The following RNF8 variants were observed in gnomAD, a reference collection of about 807,000 sequenced individuals.
RNF8 encodes the protein E3 ubiquitin-protein ligase RNF8.
A neutral mutation model predicts 59.3 loss-of-function variants in RNF8; 8 were observed. The observed-to-expected ratio is 0.13, with a 90% CI of 0.08 to 0.24. The LOEUF (loss-of-function observed/expected upper bound fraction) is 0.24, where lower values mean the gene tolerates loss of function less well. Ranked by LOEUF, RNF8 falls within the 10% of genes least tolerant of loss-of-function variation. The pLI, the probability that RNF8 is intolerant of heterozygous loss-of-function variation, is 1.00. For synonymous variants in RNF8, 162 were observed against 200.0 expected (o/e 0.81, Z 1.60); for missense variants, 406 against 572.6 (o/e 0.71, Z 2.97).
intron 7 of RNF8, among the ~76,000 whole-genome samples, chr6:37,382,852 C>T (rs1274312031): frequency 1.3e-5 from 2 of 152,022 alleles, no homozygotes; most frequent in African/African-American, 4.8e-5. Context: ...GTGGCGCACA[C>T]CAGTAGTCGC....
In RNF8 at chr6:37,392,807, AAG is replaced by A. The variant is rs1484603497; in HGVS notation, c.*2051_*2052del. 3 of 397,018 alleles carry A rather than the reference AAG, an allele frequency of 7.6e-6. No homozygotes were observed. Among genetic ancestry groups the A allele is most frequent in the Admixed American group, 8.8e-5 (2 of 22,700 alleles). 24.6% of individuals were successfully genotyped at this position (397,018 alleles called of 1,614,324 possible). ...ATCTTTAGAGAGAAGATATTTTAAA[AAG>A]AAATACCTTTTTAAAAATTATTTTA... On this transcript the variant is annotated 3_prime_UTR_variant, in exon 8 of 8. Coordinates refer to ENST00000373479, the MANE Select transcript of RNF8 (RefSeq NM_003958.4).
rs933950282 is a variant in RNF8, at chr6:37,370,521, C to T, written c.976-991C>T. ...TTTTTCTGTACCAAAATGTTAAAGG[C>T]GAAAGGATTGGTTTAGAGAATTTCT... On this transcript the variant is annotated intron_variant, in intron 3 of 7. Coordinates refer to ENST00000373479, the MANE Select transcript of RNF8 (RefSeq NM_003958.4). Among the ~76,000 whole-genome samples, 6 of 152,056 alleles carry T rather than the reference C, an allele frequency of 3.9e-5. No homozygotes were observed. In the South Asian group the frequency reaches 6.2e-4, roughly 16 times the overall value.
At chr6:37,384,131 A>ATTTT (rs70977654) in intron 7 of RNF8, among the ~76,000 whole-genome samples, 15 of 124,030 alleles carry the variant, frequency 1.2e-4, no homozygotes, top group African/African-American at 3.0e-4. Context: ...CCTTGCTACT[A>ATTTT]TTTTTTTTTT....
chr6:37,390,798 T>C lies in RNF8; in HGVS notation c.*40T>C. 1.9e-6 allele frequency: 3 copies of C among 1,612,906 alleles called. No individual in the cohort carries two copies. The highest frequency in any genetic ancestry group is 1.7e-6 in the Non-Finnish European group (2 of 1,179,080). On this transcript the variant is annotated 3_prime_UTR_variant, in exon 8 of 8. Coordinates refer to ENST00000373479, the MANE Select transcript of RNF8 (RefSeq NM_003958.4). Reference sequence around the variant, plus strand: ...GGGCATTTGAAAGACTGCCAGGTAGTGCGAGCCTGAGATGGTCTGGAGGAT... The same window carrying C: ...GGGCATTTGAAAGACTGCCAGGTAGCGCGAGCCTGAGATGGTCTGGAGGAT...
At position 37,390,902 on chromosome 6, in the gene RNF8, C is replaced by T. The variant is rs557883308; in HGVS notation, c.*144C>T. ...ACAGAGACTTGAGTTAGGAAGCCCT[C>T]AGTCACTTGCCTTCCACGGTGGCCA... On this transcript the variant is annotated 3_prime_UTR_variant, in exon 8 of 8. Coordinates refer to ENST00000373479, the MANE Select transcript of RNF8 (RefSeq NM_003958.4). The T allele has an allele frequency of 7.1e-7, 1 of 1,409,538 alleles. No homozygotes were observed. The highest frequency in any genetic ancestry group is 1.2e-5 in the South Asian group (1 of 86,554). 87.3% of individuals were successfully genotyped at this position (1,409,538 alleles called of 1,614,324 possible).
intron 1 of RNF8, among the ~76,000 whole-genome samples, chr6:37,358,058 G>C (rs546764289): frequency 1.3e-5 from 2 of 152,318 alleles, no homozygotes; most frequent in South Asian, 4.1e-4. Flanking sequence ...AATCAGAGTA[G>C]GCTTATGAGT....
At position 37,394,485 on chromosome 6, in the gene RNF8, T is replaced by C. The variant is rs1346066332; in HGVS notation, c.*3727T>C. On this transcript the variant is annotated 3_prime_UTR_variant, in exon 8 of 8. Coordinates refer to ENST00000373479, the MANE Select transcript of RNF8 (RefSeq NM_003958.4). ...GATAGGCATTCAATAAATACTCCAA[T>C]GCTGTCATTCCTTTGTCTACAGCAT... 6.6e-6 allele frequency: 1 copy of C among 152,222 alleles called. No homozygotes were observed. Among genetic ancestry groups the C allele is most frequent in the Admixed American group, 6.5e-5 (1 of 15,276 alleles). The allele number at this position is 152,222 out of a possible 1,614,324, so 9.4% of individuals were successfully genotyped here.
intron 6 of RNF8, among the ~76,000 whole-genome samples, chr6:37,379,086 G>A (rs187088983): frequency 2.0e-5 from 3 of 152,112 alleles, no homozygotes; most frequent in Admixed American, 2.0e-4. Flanking sequence ...GCGCAATCTC[G>A]GCTCACTGCA....
At chr6:37,375,929 T>C (rs973011870) in intron 5 of RNF8, among the ~76,000 whole-genome samples, 1 of 152,192 alleles carries the variant, frequency 6.6e-6, no homozygotes, top group African/African-American at 2.4e-5. Flanking sequence ...CCACACGCAG[T>C]CTGACCTCTT....
intron 2 of RNF8, among the ~76,000 whole-genome samples, chr6:37,364,008 T>G (rs566735630): frequency 1.9e-4 from 29 of 151,810 alleles, no homozygotes; most frequent in African/African-American, 7.0e-4. Flanking sequence ...TGAAACCCCG[T>G]CTCTACTAAA....
chr6:37,355,816 C>T (rs1562082167), intron 1 of RNF8, among the ~76,000 whole-genome samples: 2 of 152,168 alleles, frequency 1.3e-5, no homozygotes, highest in Non-Finnish European at 2.9e-5. Flanking sequence ...TTTCCAACAG[C>T]ATATGTTTGT....
In RNF8 at chr6:37,354,072, T is replaced by C; in HGVS notation, c.-93T>C. The C allele has an allele frequency of 9.6e-7, 1 of 1,037,128 alleles. No individual in the cohort carries two copies. Among genetic ancestry groups the C allele is most frequent in the Non-Finnish European group, 1.5e-6 (1 of 682,352 alleles). 64.2% of individuals were successfully genotyped at this position (1,037,128 alleles called of 1,614,324 possible). A position where few individuals can be genotyped will look rare whatever the true frequency, so the allele number is the denominator to read the frequency against. ...GTGTGGCGATTGCTTCTGTCTGTTA[T>C]TTAGATATGGAAGCTGAGGGGATGC... is the stretch of plus-strand genomic sequence containing the variant. On this transcript the variant is annotated 5_prime_UTR_variant, in exon 1 of 8. Transcript: ENST00000373479.
At position 37,360,434 on chromosome 6, in the gene RNF8, G is replaced by A; in HGVS notation, c.112-12G>A. 6.3e-7 allele frequency: 1 copy of A among 1,594,156 alleles called. No individual in the cohort carries two copies. Among genetic ancestry groups the A allele is most frequent in the Non-Finnish European group, 8.5e-7 (1 of 1,179,530 alleles). On this transcript the variant is annotated splice_polypyrimidine_tract_variant and intron_variant, in intron 1 of 7. Coordinates refer to ENST00000373479, the MANE Select transcript of RNF8 (RefSeq NM_003958.4). The surrounding 1 kb of genome is among the most constrained non-coding windows in gnomAD (Gnocchi z 4.2). Reference sequence around the variant, plus strand: ...GACTGATGGTATTTCTTGCATTGTTGTTGTCTCCCAGGTGACTGTAGGACG... The same window carrying A: ...GACTGATGGTATTTCTTGCATTGTTATTGTCTCCCAGGTGACTGTAGGACG...
chr6:37,371,382 T>C (rs1769795642), intron 3 of RNF8, 130 bp from the exon 4 acceptor site: 1 of 660,710 alleles, frequency 1.5e-6, no homozygotes. Flanking sequence ...CAGGAGATTT[T>C]CCACCTGCTC....
intron 7 of RNF8, among the ~76,000 whole-genome samples, chr6:37,388,185 A>T (rs1016612760): frequency 6.3e-4 from 96 of 152,280 alleles, no homozygotes; most frequent in African/African-American, 2.1e-3. Flanking sequence ...GCCAGAGTGG[A>T]TAGATTCAAG....
At chr6:37,373,495 C>G (rs1769889686) in intron 4 of RNF8, among the ~76,000 whole-genome samples, 1 of 152,194 alleles carries the variant, frequency 6.6e-6, no homozygotes, top group Non-Finnish European at 1.5e-5. Flanking sequence ...CAGCCTCCGC[C>G]TCCTGGGCTC....
intron 1 of RNF8, 137 bp downstream of exon 1, chr6:37,354,412 G>A: frequency 4.3e-6 from 3 of 697,462 alleles, no homozygotes; most frequent in Non-Finnish European, 7.0e-6. Context: ...CGAAGTGTCT[G>A]TGGGGGGGGT....
At chr6:37,359,101 C>CAA in intron 1 of RNF8, 1 of 399,746 alleles carries the variant, frequency 2.5e-6, no homozygotes. Flanking sequence ...CTCAAAAAAA[C>CAA]AAAAAAAAAT....
At position 37,392,863 on chromosome 6, in the gene RNF8, A is replaced by G. The variant is rs1386523318; in HGVS notation, c.*2105A>G. The G allele has an allele frequency of 5.6e-6, 2 of 358,842 alleles. No individual in the cohort carries two copies. Among genetic ancestry groups the G allele is most frequent in the African/African-American group, 4.2e-5 (2 of 47,788 alleles). The allele number at this position is 358,842 out of a possible 1,614,324, so 22.2% of individuals were successfully genotyped here. A position where few individuals can be genotyped will look rare whatever the true frequency, so the allele number is the denominator to read the frequency against. On this transcript the variant is annotated 3_prime_UTR_variant, in exon 8 of 8. Transcript: ENST00000373479. ...TTTTTTAATAGAGACTATGTTGCCTAGGCTGGTCTTGAAATTCTGGGCTAA... is the reference window on the plus strand; with the variant it reads ...TTTTTTAATAGAGACTATGTTGCCTGGGCTGGTCTTGAAATTCTGGGCTAA...
Sources: allele counts gnomAD v4.1 joint callset (sites outside exome capture counted in the v4.1 genomes callset), GRCh38; gene constraint gnomAD v4.1.1; non-coding constraint Gnocchi (gnomAD v3.1); transcripts MANE v1.5; gene names NCBI Gene and HGNC (gene_info 2026-07-23, HGNC 2026-07-21).